The following CDH12 variants were observed in gnomAD, a reference collection of about 807,000 sequenced individuals.
CDH12 encodes cadherin 12, also known as cadherin-12.
CDH12 carries 41 observed loss-of-function variants against 74.1 expected under a neutral mutation model. The ratio of observed to expected loss-of-function variants is 0.55; its 90% confidence interval spans 0.43 to 0.72. The LOEUF (loss-of-function observed/expected upper bound fraction) is 0.72, where lower values mean the gene tolerates loss of function less well. Among genes scored for constraint, CDH12 ranks in the 30% least tolerant of loss-of-function variants. The pLI is 0.00. For missense variants in CDH12, 945 were observed against 977.2 expected, an observed-to-expected ratio of 0.97 and a Z score of 0.44; for synonymous variants, 399 against 355.0, an observed-to-expected ratio of 1.12 and a Z score of -1.39.
intron 5 of CDH12, among the ~76,000 whole-genome samples, chr5:22,048,603 T>G (rs1386683409): frequency 6.6e-6 from 1 of 151,940 alleles, no homozygotes; most frequent in Non-Finnish European, 1.5e-5. Flanking sequence ...GGAAAAAATA[T>G]TAAGTTGCTA....
intron 2 of CDH12, among the ~76,000 whole-genome samples, chr5:22,454,988 G>A (rs1745206422): frequency 6.6e-6 from 1 of 152,218 alleles, no homozygotes; most frequent in African/African-American, 2.4e-5. Context: ...TAGAAGCCAT[G>A]TGAAGGAATG....
chr5:22,081,070 C>T (rs376422272), intron 4 of CDH12, among the ~76,000 whole-genome samples: 10 of 152,084 alleles, frequency 6.6e-5, no homozygotes, highest in African/African-American at 1.9e-4. Context: ...TGAGCCACCT[C>T]GCTTGGCCTC....
intron 5 of CDH12, among the ~76,000 whole-genome samples, chr5:21,996,745 A>G: frequency 6.6e-6 from 1 of 152,198 alleles, no homozygotes; most frequent in Non-Finnish European, 1.5e-5. Flanking sequence ...GGTTTCAGAT[A>G]AAATACATTA....
intron 4 of CDH12, among the ~76,000 whole-genome samples, chr5:22,117,669 TAA>T (rs1236220576): frequency 1.3e-5 from 2 of 149,038 alleles, no homozygotes; most frequent in African/African-American, 2.5e-5. Flanking sequence ...CTATAAACGA[TAA>T]AGAGTGCTTA....
intron 8 of CDH12, among the ~76,000 whole-genome samples, chr5:21,826,116 C>T (rs535116522): frequency 6.6e-6 from 1 of 152,260 alleles, no homozygotes; most frequent in East Asian, 1.9e-4. Context: ...CTTCATCTCT[C>T]CCTTTTGCTT....
intron 1 of CDH12, among the ~76,000 whole-genome samples, chr5:22,605,102 T>A (rs1448532674): frequency 6.6e-6 from 1 of 152,208 alleles, no homozygotes; most frequent in Non-Finnish European, 1.5e-5. Flanking sequence ...GATAATTTTA[T>A]GGGCTTCATT....
At chr5:21,970,873 AAGAAAAAAG>A in intron 6 of CDH12, among the ~76,000 whole-genome samples, 1 of 138,252 alleles carries the variant, frequency 7.2e-6, no homozygotes, top group Non-Finnish European at 1.5e-5. Flanking sequence ...AAAAAAAAAA[AAGAAAAAAG>A]AAAATAGTCT....
chr5:22,221,096 G>A (rs1178278768), intron 3 of CDH12, among the ~76,000 whole-genome samples: 2 of 151,638 alleles, frequency 1.3e-5, no homozygotes, highest in Non-Finnish European at 1.5e-5. Context: ...TTTACTGTTC[G>A]ATGTATTTAG....
intron 3 of CDH12, among the ~76,000 whole-genome samples, chr5:22,404,195 C>T (rs959423218): frequency 4.6e-5 from 7 of 151,978 alleles, no homozygotes; most frequent in Non-Finnish European, 7.4e-5. Flanking sequence ...TACACACACA[C>T]ACACACAATT....
At chr5:22,022,378 A>T (rs2150162816) in intron 5 of CDH12, among the ~76,000 whole-genome samples, 1 of 152,242 alleles carries the variant, frequency 6.6e-6, no homozygotes, top group Admixed American at 6.5e-5. Context: ...CCATGTGAAT[A>T]CATGGCTTGC....
chr5:22,529,006 C>T (rs988441107), intron 1 of CDH12, among the ~76,000 whole-genome samples: 1 of 109,322 alleles, frequency 9.1e-6, no homozygotes, highest in Non-Finnish European at 1.9e-5. Context: ...GAAACAGAAC[C>T]AATAGAATGT....
chr5:22,390,228 A>G (rs1249761217), intron 3 of CDH12, among the ~76,000 whole-genome samples: 2 of 152,184 alleles, frequency 1.3e-5, no homozygotes, highest in Non-Finnish European at 2.9e-5. Context: ...ATTTGCCAAG[A>G]ACCTCGACCT....
intron 4 of CDH12, among the ~76,000 whole-genome samples, chr5:22,134,374 GTTC>G (rs1325047532): frequency 2.6e-5 from 4 of 152,032 alleles, no homozygotes; most frequent in African/African-American, 7.2e-5. Flanking sequence ...TAATCCCACA[GTTC>G]TTCTACTTCT....
chr5:21,939,045 G>C (rs1023628633), intron 6 of CDH12, among the ~76,000 whole-genome samples: 6 of 150,958 alleles, frequency 4.0e-5, no homozygotes, highest in African/African-American at 1.5e-4. Flanking sequence ...TCTCTTAATG[G>C]GGATATAGAC....
At chr5:22,273,285 A>G (rs1420351448) in intron 3 of CDH12, among the ~76,000 whole-genome samples, 3 of 152,220 alleles carry the variant, frequency 2.0e-5, no homozygotes, top group African/African-American at 7.2e-5. Flanking sequence ...TTGAATTACC[A>G]AAATATGACA....
intron 1 of CDH12, among the ~76,000 whole-genome samples, chr5:22,538,089 C>T (rs568916479): frequency 6.6e-6 from 1 of 152,276 alleles, no homozygotes; most frequent in South Asian, 2.1e-4. Context: ...ATTCTACCAC[C>T]TTAGGGACTG....
intron 1 of CDH12, among the ~76,000 whole-genome samples, chr5:22,775,839 T>C (rs1375747265): frequency 6.6e-6 from 1 of 152,138 alleles, no homozygotes; most frequent in Non-Finnish European, 1.5e-5. Context: ...TTCCCGTGTG[T>C]TGTGGGAGGG....
At chr5:22,366,741 C>A (rs2920756) in intron 3 of CDH12, among the ~76,000 whole-genome samples, 6,529 of 152,132 alleles carry the variant, frequency 0.043, 316 homozygotes, top group East Asian at 0.12. Context: ...AATATTGTTG[C>A]CATATTACTA....
At chr5:22,063,025 A>C (rs1017543752) in intron 5 of CDH12, among the ~76,000 whole-genome samples, 1 of 152,170 alleles carries the variant, frequency 6.6e-6, no homozygotes, top group African/African-American at 2.4e-5. Flanking sequence ...TGAGCCATGA[A>C]AACTATATTT....
Sources: allele counts gnomAD v4.1 joint callset (sites outside exome capture counted in the v4.1 genomes callset), GRCh38; gene constraint gnomAD v4.1.1; transcripts MANE v1.5; gene names NCBI Gene and HGNC (gene_info 2026-07-23, HGNC 2026-07-21).